Variants in PTPRU observed in about 807,000 individuals in gnomAD.
The protein encoded by PTPRU is protein tyrosine phosphatase receptor type U.
A neutral mutation model predicts 166.3 loss-of-function variants in PTPRU; 69 were observed. The ratio of observed to expected loss-of-function variants is 0.41; its 90% CI spans 0.34 to 0.51. The LOEUF is 0.51. Ranked by LOEUF, PTPRU falls within the 20% of genes least tolerant of loss-of-function variation. The pLI, the probability that PTPRU is intolerant of heterozygous loss-of-function variation, is 0.09. For missense variants in PTPRU, 1,657 were observed against 2,013.7 expected (o/e 0.82, Z 3.39); for synonymous variants, 793 against 814.0 (o/e 0.97, Z 0.44).
intron 15 of PTPRU, among the ~76,000 whole-genome samples, chr1:29,295,480 T>C (rs917686507): frequency 2.0e-5 from 3 of 152,228 alleles, no homozygotes; most frequent in Non-Finnish European, 4.4e-5. Context: ...CCCATGAAAG[T>C]GATTTATATT....
Position 29,291,983 on chromosome 1 carries a change from G to A in PTPRU, c.2433G>A (p.Arg811=). 1 of 1,614,210 alleles carries A rather than the reference G, an allele frequency of 6.2e-7. No homozygotes were observed. The highest frequency in any genetic ancestry group is 2.2e-5 in the East Asian group (1 of 44,880). ...TDQSTLQEDE[R]LGLSFMDTHG... is the part of the protein sequence containing the mutation. ...AGAGCACCCTGCAGGAGGACGAGCG[G>A]CTGGGCCTGTCCTTCATGGACACCC... The change falls in exon 15 of 30, where the codon CGG becomes CGA. Residue 811 remains arginine (R), a synonymous_variant. Transcript: ENST00000373779. This position sits in a 1 kb window ranked among gnomAD's most constrained non-coding sequence, Gnocchi z 4.1.
rs765552357 is a variant in PTPRU, at chr1:29,292,046, AC to A, written c.2476+24del. 3.5e-5 allele frequency: 56 copies of A among 1,612,382 alleles called. No homozygotes were observed. The highest frequency in any genetic ancestry group is 4.5e-5 in the Non-Finnish European group (53 of 1,179,144). On this transcript the variant is annotated intron_variant, in intron 15 of 29. Coordinates refer to ENST00000373779, the MANE Select transcript of PTPRU (RefSeq NM_133178.4). ...CCCGGGGTGAGTGCCCGGCCCTCCTACCCCTTCTTCATGGCTCTGGGGCTCC... is the reference window on the plus strand; with the variant it reads ...CCCGGGGTGAGTGCCCGGCCCTCCTACCCTTCTTCATGGCTCTGGGGCTCC...
In PTPRU at chr1:29,259,441, C is replaced by T. The variant is rs1684927194; in HGVS notation, c.560-8C>T. ...GGCCCAGCTCACGATGCAGCTCTAACCCCGCAGCAAAGGCCCCACACTTCT... is the reference window on the plus strand; with the variant it reads ...GGCCCAGCTCACGATGCAGCTCTAATCCCGCAGCAAAGGCCCCACACTTCT... On this transcript the variant is annotated splice_polypyrimidine_tract_variant and splice_region_variant and intron_variant, in intron 4 of 29. Coordinates refer to ENST00000373779, the MANE Select transcript of PTPRU (RefSeq NM_133178.4). The T allele has an allele frequency of 6.2e-7, 1 of 1,609,864 alleles. No homozygotes were observed. The highest frequency in any genetic ancestry group is 1.1e-5 in the South Asian group (1 of 90,764).
At chr1:29,321,196 ATTTTTTTTT>A (rs71025210) in intron 26 of PTPRU, among the ~76,000 whole-genome samples, 2 of 100,384 alleles carry the variant, frequency 2.0e-5, no homozygotes, top group Admixed American at 1.1e-4. Flanking sequence ...CAGCTGTCTG[ATTTTTTTTT>A]TTTTTTTTTT....
intron 7 of PTPRU, among the ~76,000 whole-genome samples, chr1:29,263,015 T>A (rs1558560033): frequency 6.6e-6 from 1 of 152,190 alleles, no homozygotes; most frequent in East Asian, 1.9e-4. Context: ...AGACGGAGTT[T>A]CACTCTGTCG....
chr1:29,252,429 A>G (rs1027471614), intron 1 of PTPRU, among the ~76,000 whole-genome samples: 1 of 151,890 alleles, frequency 6.6e-6, no homozygotes, highest in African/African-American at 2.4e-5. Context: ...CACCACACCC[A>G]GCTAATTTTT....
At chr1:29,297,984 G>A (rs1035455241) in intron 15 of PTPRU, among the ~76,000 whole-genome samples, 3 of 152,240 alleles carry the variant, frequency 2.0e-5, no homozygotes, top group South Asian at 2.1e-4. Context: ...GGTGCTAGGC[G>A]CGGTGGCTCA....
chr1:29,310,688 G>C (rs905448371), intron 18 of PTPRU, 56 bp from the exon 19 acceptor site: 1 of 1,542,232 alleles, frequency 6.5e-7, no homozygotes, highest in Non-Finnish European at 9.0e-7. Flanking sequence ...GAGGAGGTGT[G>C]GGGGAGTGAG....
rs891335290 is a variant in PTPRU, at chr1:29,282,543, G to C, written c.1869-133G>C. 3.2e-6 allele frequency: 4 copies of C among 1,260,358 alleles called. No homozygotes were observed. The East Asian group carries it at 7.7e-5, about 24-fold the overall frequency. 78.1% of individuals were successfully genotyped at this position (1,260,358 alleles called of 1,614,324 possible). ...CCAGGGAGGTTAGGGGACTTGCCCA[G>C]CTAGTAAGGAGCAGTGTGTGGAAGT... On this transcript the variant is annotated intron_variant, in intron 11 of 29. Coordinates refer to ENST00000373779, the MANE Select transcript of PTPRU (RefSeq NM_133178.4).
At position 29,237,946 on chromosome 1, in the gene PTPRU, G is replaced by A. The variant is rs1333564953; in HGVS notation, c.73+1229G>A. ...GGCAGGGCCTGGCTCGCCGCCGGGG[G>A]ACGGCGCCCCCTCCCTTGGCGCGCA... On this transcript the variant is annotated intron_variant, in intron 1 of 29. Coordinates refer to ENST00000373779, the MANE Select transcript of PTPRU (RefSeq NM_133178.4). The surrounding 1 kb of genome is among the most constrained non-coding windows in gnomAD (Gnocchi z 6.4). 3.3e-5 allele frequency among the ~76,000 whole-genome samples: 5 copies of A among 150,298 alleles called. No individual in the cohort carries two copies. The highest frequency in any genetic ancestry group is 2.6e-4 in the Admixed American group (4 of 15,116).
rs372566755 is a variant in PTPRU at position 29,282,791 on chromosome 1, G to A, written c.1984G>A (p.Val662Met). The change falls in exon 12 of 30, where the codon GTG (valine) becomes ATG (methionine). Residue 662 changes from valine (V) to methionine (M), a missense_variant. Transcript: ENST00000373779. ...CGAGGCGGCGCTGGCCCGAGGCCTG[G>A]TGCACTACTTCGGGGCCGAACTGGC... ...TFEAALARGL[V>M]HYFGAELAAS... 1.2e-6 allele frequency: 2 copies of A among 1,614,136 alleles called. No individual in the cohort carries two copies. Among genetic ancestry groups the A allele is most frequent in the South Asian group, 1.1e-5 (1 of 91,090 alleles).
intron 16 of PTPRU, 133 bp downstream of exon 16, chr1:29,304,178 C>A (rs1439669093): frequency 8.5e-6 from 9 of 1,064,478 alleles, no homozygotes; most frequent in African/African-American, 1.6e-5. Context: ...CCAACTCAAC[C>A]TTTTTGACCT....
intron 7 of PTPRU, among the ~76,000 whole-genome samples, chr1:29,261,740 C>T (rs1685075388): frequency 6.6e-6 from 1 of 152,090 alleles, no homozygotes; most frequent in Admixed American, 6.6e-5. Context: ...ACCAGGTTGG[C>T]CAGGCTGGTC....
intron 7 of PTPRU, among the ~76,000 whole-genome samples, chr1:29,262,139 C>T (rs951096829): frequency 5.3e-5 from 8 of 152,184 alleles, no homozygotes; most frequent in African/African-American, 1.9e-4. Flanking sequence ...AGTTCAATCC[C>T]CTTAAGGACT....
intron 8 of PTPRU, among the ~76,000 whole-genome samples, chr1:29,278,629 G>A (rs1685921734): frequency 6.6e-6 from 1 of 152,166 alleles, no homozygotes; most frequent in Admixed American, 6.5e-5. Flanking sequence ...CAATGCAATT[G>A]CTGTTTTCAT....
chr1:29,269,678 C>T (rs1685480017), intron 7 of PTPRU, among the ~76,000 whole-genome samples: 2 of 152,050 alleles, frequency 1.3e-5, no homozygotes, highest in African/African-American at 4.8e-5. Flanking sequence ...CATGAAACTC[C>T]CCTCGCACTA....
intron 14 of PTPRU, among the ~76,000 whole-genome samples, chr1:29,290,161 T>A (rs182093295): frequency 8.5e-5 from 13 of 152,228 alleles, no homozygotes; most frequent in African/African-American, 3.1e-4. Flanking sequence ...GTTCTGAGAC[T>A]GGCAGCTTCT....
intron 13 of PTPRU, 93 bp from the exon 14 acceptor site, chr1:29,284,638 G>T (rs1404072475): frequency 1.2e-5 from 19 of 1,578,066 alleles, no homozygotes; most frequent in Non-Finnish European, 1.7e-5. Flanking sequence ...GGTTTGTGCA[G>T]CCCAGTTTGT....
At position 29,303,908 on chromosome 1, in the gene PTPRU, C is replaced by T; in HGVS notation, c.2530C>T (p.Pro844Ser). Residue 844 changes from proline (P) to serine (S), a missense_variant, in exon 16 of 30, where the codon CCG (proline) becomes TCG (serine). By Grantham distance (74) the Pro-to-Ser change is moderately conservative (BLOSUM62 -1). Coordinates refer to ENST00000373779, the MANE Select transcript of PTPRU (RefSeq NM_133178.4). The stretch of plus-strand genomic sequence containing the variant: ...GGCCAGCAGCCTCCTGGGGGGCTCC[C>T]CGAGGCGTCCCTGTGGCCGGAAGGG... ...TEASSLLGGS[P>S]RRPCGRKGSP... 6.2e-7 allele frequency: 1 copy of T among 1,613,774 alleles called. No individual in the cohort carries two copies. The highest frequency in any genetic ancestry group is 8.5e-7 in the Non-Finnish European group (1 of 1,179,686).
Sources: gnomAD v4.1 joint callset for allele counts (sites outside exome capture counted in the v4.1 genomes callset) on GRCh38, gnomAD v4.1.1 for gene constraint, Gnocchi (gnomAD v3.1) non-coding constraint, MANE v1.5 for transcripts, NCBI Gene and HGNC (gene_info 2026-07-23, HGNC 2026-07-21) for gene names.